The following SLC38A4 variants were observed in gnomAD, a reference collection of about 807,000 sequenced individuals.
SLC38A4 encodes the protein sodium-coupled neutral amino acid transporter 4.
A neutral mutation model predicts 63.1 loss-of-function variants in SLC38A4; 20 were observed. The observed-to-expected ratio is 0.32, with a 90% CI of 0.22 to 0.46. SLC38A4 has a LOEUF of 0.46. Ranked by LOEUF, SLC38A4 falls within the 20% of genes least tolerant of loss-of-function variation. SLC38A4 has a pLI of 1.00. For synonymous variants in SLC38A4, 230 were observed against 225.5 expected (o/e 1.02, Z -0.18); for missense variants, 526 against 663.6 (o/e 0.79, Z 2.28).
chr12:46,816,889 G>A (rs1226322241), intron 1 of SLC38A4, among the ~76,000 whole-genome samples: 1 of 151,790 alleles, frequency 6.6e-6, no homozygotes, highest in Non-Finnish European at 1.5e-5. Context: ...CAATTCTGAT[G>A]AAAAATTCAG....
intron 4 of SLC38A4, 46 bp from the exon 5 acceptor site, chr12:46,788,077 C>T: frequency 9.7e-6 from 14 of 1,436,030 alleles, no homozygotes; most frequent in African/African-American, 1.4e-5. Context: ...TGCCAAAGGG[C>T]ATACCTTTAG....
At chr12:46,780,612 T>C (rs1035652399) in intron 7 of SLC38A4, among the ~76,000 whole-genome samples, 7 of 151,836 alleles carry the variant, frequency 4.6e-5, no homozygotes, top group East Asian at 1.9e-4. Context: ...AGTTTTTTTT[T>C]TTCCCCCCTC....
At chr12:46,773,042 A>C (rs994526822) in intron 14 of SLC38A4, among the ~76,000 whole-genome samples, 1 of 152,090 alleles carries the variant, frequency 6.6e-6, no homozygotes, top group African/African-American at 2.4e-5. Flanking sequence ...TAGTAAAGAA[A>C]AAAAATTGAA....
Position 46,800,264 on chromosome 12 carries a change from T to A in SLC38A4, c.-113+3339A>T, listed in dbSNP as rs562165678. Among the ~76,000 whole-genome samples the A allele has an allele frequency of 1.9e-3, 290 of 152,254 alleles. 3 individuals carry two copies. The highest frequency in any genetic ancestry group is 3.1e-3 in the Non-Finnish European group (213 of 68,004). ...TCCACTTCTATCTCCATGACCACTA[T>A]GTTATTCCAAACGACTGCGCTACTG... On this transcript the variant is annotated intron_variant, in intron 2 of 16. Transcript: ENST00000266579.
intron 7 of SLC38A4, among the ~76,000 whole-genome samples, chr12:46,781,218 C>T (rs1938630919): frequency 6.6e-6 from 1 of 152,014 alleles, no homozygotes; most frequent in South Asian, 2.1e-4. Context: ...AATCATACAG[C>T]TTGAAAAGGA....
intron 5 of SLC38A4, 48 bp downstream of exon 5, chr12:46,787,868 G>T: frequency 1.5e-5 from 21 of 1,367,042 alleles, no homozygotes; most frequent in Non-Finnish European, 2.1e-5. Context: ...AAAGCCACCA[G>T]GTATGCATGG....
chr12:46,819,794 T>C (rs1264324861), intron 1 of SLC38A4, among the ~76,000 whole-genome samples: 2 of 151,932 alleles, frequency 1.3e-5, no homozygotes, highest in East Asian at 3.9e-4. Context: ...AATTTCCTAG[T>C]TTGGAACTAC....
In SLC38A4 at chr12:46,810,363, G is replaced by A. The variant is rs117398713; in HGVS notation, c.-304-6569C>T. 5.0e-3 allele frequency among the ~76,000 whole-genome samples: 759 copies of A among 151,886 alleles called. 6 individuals carry two copies. Among genetic ancestry groups the A allele is most frequent in the Admixed American group, 9.1e-3 (138 of 15,204 alleles). The stretch of plus-strand genomic sequence containing the variant: ...ATGAGAAGACATGGGCATAGGGAGG[G>A]GAACATCACACACCGGGGCTGTCGG... On this transcript the variant is annotated intron_variant, in intron 1 of 16. Transcript: ENST00000266579.
chr12:46,801,706 G>T (rs537657719), intron 2 of SLC38A4, among the ~76,000 whole-genome samples: 1 of 152,028 alleles, frequency 6.6e-6, no homozygotes, highest in East Asian at 1.9e-4. Flanking sequence ...ATAGATAAAT[G>T]AATGTAGCTT....
chr12:46,831,883 A>G (rs1384735491), intron 1 of SLC38A4, among the ~76,000 whole-genome samples: 1 of 152,146 alleles, frequency 6.6e-6, no homozygotes. Context: ...CACGGAACGC[A>G]GTCCCAATAC....
intron 14 of SLC38A4, among the ~76,000 whole-genome samples, chr12:46,770,462 C>A (rs1228379936): frequency 6.6e-6 from 1 of 151,954 alleles, no homozygotes; most frequent in Non-Finnish European, 1.5e-5. Context: ...GTGTTGTGCA[C>A]ACAGCAGGCA....
chr12:46,794,893 T>C (rs973892489), intron 2 of SLC38A4, among the ~76,000 whole-genome samples: 9 of 151,724 alleles, frequency 5.9e-5, no homozygotes, highest in African/African-American at 9.7e-5. Context: ...GAAACTATTA[T>C]TAATATAAGG....
chr12:46,798,770 AGAGCGGTCCTCT>A (rs1939069756), intron 2 of SLC38A4, among the ~76,000 whole-genome samples: 1 of 152,142 alleles, frequency 6.6e-6, no homozygotes, highest in Admixed American at 6.6e-5. Context: ...TCAATTCTTC[AGAGCGGTCCTCT>A]GAGGTGAGTA....
intron 3 of SLC38A4, 50 bp from the exon 4 acceptor site, chr12:46,788,668 C>A: frequency 6.8e-7 from 1 of 1,474,786 alleles, no homozygotes; most frequent in Non-Finnish European, 9.4e-7. Context: ...TAAATATATG[C>A]TCTGAATCAT....
chr12:46,804,442 A>G (rs1939190275), intron 1 of SLC38A4, among the ~76,000 whole-genome samples: 1 of 152,042 alleles, frequency 6.6e-6, no homozygotes, highest in Non-Finnish European at 1.5e-5. Flanking sequence ...ACTAGAAACT[A>G]TTCTGAAAGT....
intron 1 of SLC38A4, among the ~76,000 whole-genome samples, chr12:46,815,284 T>TACACACACAC (rs369027203): frequency 4.8e-4 from 40 of 82,936 alleles, no homozygotes; most frequent in African/African-American, 1.9e-3. Flanking sequence ...TATATATATA[T>TACACACACAC]ACACACACAC....
chr12:46,794,555 A>G (rs1376898586), intron 2 of SLC38A4, among the ~76,000 whole-genome samples: 1 of 150,950 alleles, frequency 6.6e-6, no homozygotes, highest in African/African-American at 2.5e-5. Flanking sequence ...CTTAAAAAAA[A>G]GAAAAAAATA....
At chr12:46,788,078 A>G (rs148771580) in intron 4 of SLC38A4, 47 bp from the exon 5 acceptor site, 9 of 1,412,100 alleles carry the variant, frequency 6.4e-6, no homozygotes, top group South Asian at 5.8e-5. Flanking sequence ...GCCAAAGGGC[A>G]TACCTTTAGG....
chr12:46,818,713 A>T (rs969442561), intron 1 of SLC38A4, among the ~76,000 whole-genome samples: 1 of 151,910 alleles, frequency 6.6e-6, no homozygotes, highest in Non-Finnish European at 1.5e-5. Context: ...CATAATAAAT[A>T]TTTCTATGTA....
Sources: allele counts gnomAD v4.1 joint callset (sites outside exome capture counted in the v4.1 genomes callset), GRCh38; gene constraint gnomAD v4.1.1; transcripts MANE v1.5; gene names NCBI Gene and HGNC (gene_info 2026-07-23, HGNC 2026-07-21).